The following MPDZ variants were observed in gnomAD, a reference collection of about 807,000 sequenced individuals.
The protein encoded by MPDZ is multiple PDZ domain crumbs cell polarity complex component, also known as multiple PDZ domain protein.
MPDZ carries 234 observed loss-of-function variants against 239.1 expected under a neutral mutation model. The ratio of observed to expected loss-of-function variants is 0.98; its 90% CI spans 0.88 to 1.09. MPDZ has a LOEUF of 1.09. MPDZ is among the 50% of genes least tolerant of loss of function. The probability of loss-of-function intolerance (pLI) is 0.00; values close to 1 mark genes in which losing one functional copy is unlikely to be tolerated. For synonymous variants in MPDZ, 1,048 were observed against 881.3 expected, an observed-to-expected ratio of 1.19 and a Z score of -3.35; for missense variants, 3,175 against 2,510.0, an observed-to-expected ratio of 1.26 and a Z score of -5.66.
At chr9:13,152,827 C>A (rs1434997777) in intron 24 of MPDZ, among the ~76,000 whole-genome samples, 1 of 152,074 alleles carries the variant, frequency 6.6e-6, no homozygotes, top group African/African-American at 2.4e-5. Flanking sequence ...TATGTAATAA[C>A]TGCAAATAGC....
chr9:13,219,635 G>A lies in MPDZ; in HGVS notation c.1010C>T (p.Ala337Val). 1.9e-6 allele frequency: 3 copies of A among 1,612,368 alleles called. No individual in the cohort carries two copies. The highest frequency in any genetic ancestry group is 4.5e-5 in the East Asian group (2 of 44,768). Residue 337 changes from alanine (A) to valine (V), a missense_variant, in exon 8 of 47, where the codon GCC (alanine) becomes GTC (valine). Ala to Val is a moderately conservative substitution (Grantham distance 64, BLOSUM62 0). Transcript: ENST00000319217. Reference protein sequence around the residue: ...NRVKLMIARGAIEERTAPTAL... With the variant: ...NRVKLMIARGVIEERTAPTAL... Reference sequence around the variant, plus strand: ...AGTGGGTGCTGTACGTTCTTCTATGGCACCTCTTGCAATCATCAACTTAAC... The same window carrying A: ...AGTGGGTGCTGTACGTTCTTCTATGACACCTCTTGCAATCATCAACTTAAC...
chr9:13,138,036 C>T lies in MPDZ; in HGVS notation c.4121G>A (p.Ser1374Asn), dbSNP rs1947097940. ...LAGNKDRSRM[S>N]VFIVGIDPNG... Reference sequence around the variant, plus strand: ...TGGATCAATCCCCACTATGAAGACACTCATCCTGGATCGGTCTTTGTTCCC... The same window carrying T: ...TGGATCAATCCCCACTATGAAGACATTCATCCTGGATCGGTCTTTGTTCCC... The change falls in exon 29 of 47, where the codon AGT becomes AAT. Residue 1374 changes from serine (S) to asparagine (N), a missense_variant. Coordinates refer to ENST00000319217, the MANE Select transcript of MPDZ (RefSeq NM_001378778.1). 6.2e-7 allele frequency: 1 copy of T among 1,613,768 alleles called. No individual in the cohort carries two copies. Among genetic ancestry groups the T allele is most frequent in the African/African-American group, 1.3e-5 (1 of 74,926 alleles).
At chr9:13,191,764 G>A (rs1310080764) in intron 15 of MPDZ, among the ~76,000 whole-genome samples, 2 of 152,212 alleles carry the variant, frequency 1.3e-5, no homozygotes, top group Non-Finnish European at 2.9e-5. Flanking sequence ...AAATGGAGAC[G>A]AATATGAGCA....
intron 38 of MPDZ, chr9:13,120,677 G>A (rs557308425): frequency 6.6e-6 from 1 of 152,194 alleles, no homozygotes; most frequent in African/African-American, 2.4e-5. Context: ...TGGTGTAAAT[G>A]TCCTTTTATT....
chr9:13,195,183 A>G (rs1195978213), intron 13 of MPDZ, among the ~76,000 whole-genome samples: 1 of 151,866 alleles, frequency 6.6e-6, no homozygotes, highest in Non-Finnish European at 1.5e-5. Context: ...AGCTACTCGG[A>G]AGGCTGAGGC....
intron 21 of MPDZ, among the ~76,000 whole-genome samples, chr9:13,170,617 C>T (rs1003165624): frequency 3.3e-5 from 5 of 152,176 alleles, no homozygotes; most frequent in Non-Finnish European, 7.3e-5. Flanking sequence ...TAAAATTTAA[C>T]TCAGTGGATC....
chr9:13,166,421 G>A (rs1459005176), intron 22 of MPDZ, among the ~76,000 whole-genome samples: 3 of 152,030 alleles, frequency 2.0e-5, no homozygotes, highest in Non-Finnish European at 4.4e-5. Context: ...AAAGCATTAT[G>A]TAAGGATGAT....
Position 13,175,776 on chromosome 9 carries a change from T to C in MPDZ, c.3031A>G (p.Ile1011Val), listed in dbSNP as rs371034444. Residue 1011 changes from isoleucine to valine, a missense_variant, in exon 21 of 47, where the codon ATA becomes GTA. Transcript: ENST00000319217. Reference protein sequence around the residue: ...SKESFERTINIAKGNSSLGMT... With the variant: ...SKESFERTINVAKGNSSLGMT... ...CCTAGGCTAGAATTGCCTTTTGCTA[T>C]ATTAATAGTCCTTTCAAAAGATTCT... 6.4e-7 allele frequency: 1 copy of C among 1,571,122 alleles called. No individual in the cohort carries two copies. Among genetic ancestry groups the C allele is most frequent in the Non-Finnish European group, 8.6e-7 (1 of 1,156,534 alleles).
intron 1 of MPDZ, among the ~76,000 whole-genome samples, chr9:13,271,441 G>C (rs769984975): frequency 6.6e-5 from 10 of 152,086 alleles, no homozygotes; most frequent in Non-Finnish European, 1.5e-4. Context: ...TGTAAAAGTA[G>C]AACACAAAAT....
At chr9:13,214,187 T>C (rs753025484) in intron 10 of MPDZ, among the ~76,000 whole-genome samples, 47 of 152,112 alleles carry the variant, frequency 3.1e-4, no homozygotes, top group Non-Finnish European at 5.4e-4. Context: ...CATCAATTGA[T>C]GAATGGGTAA....
At position 13,253,735 on chromosome 9, in the gene MPDZ, T is replaced by G. The variant is rs548815698; in HGVS notation, c.-57-3363A>C. On this transcript the variant is annotated intron_variant, in intron 1 of 46. Coordinates refer to ENST00000319217, the MANE Select transcript of MPDZ (RefSeq NM_001378778.1). ...TTTCTGGGCAATTCATGCTAAGCAGTGACAATAATGAATCAGAGAGGCAGA... is the reference window on the plus strand; with the variant it reads ...TTTCTGGGCAATTCATGCTAAGCAGGGACAATAATGAATCAGAGAGGCAGA... Among the ~76,000 whole-genome samples the G allele has an allele frequency of 7.9e-5, 12 of 152,240 alleles. 1 individual carries two copies. In the South Asian group the frequency reaches 2.5e-3, roughly 32 times the overall value.
At chr9:13,162,168 G>A (rs1014447075) in intron 23 of MPDZ, among the ~76,000 whole-genome samples, 1 of 152,050 alleles carries the variant, frequency 6.6e-6, no homozygotes, top group Admixed American at 6.6e-5. Context: ...GGAGGCTGAG[G>A]TGGGAGGATT....
At chr9:13,212,660 T>C (rs2135953211) in intron 10 of MPDZ, among the ~76,000 whole-genome samples, 1 of 151,462 alleles carries the variant, frequency 6.6e-6, no homozygotes, top group African/African-American at 2.4e-5. Context: ...GCAAATTGCC[T>C]ATGTGCTATC....
At chr9:13,165,935 A>AAC (rs530358795) in intron 22 of MPDZ, among the ~76,000 whole-genome samples, 3 of 152,026 alleles carry the variant, frequency 2.0e-5, no homozygotes, top group Non-Finnish European at 2.9e-5. Flanking sequence ...TGCATGCATG[A>AAC]ACACACACAC....
At chr9:13,168,693 A>G in intron 21 of MPDZ, 129 bp from the exon 22 acceptor site, 1 of 737,536 alleles carries the variant, frequency 1.4e-6, no homozygotes, top group South Asian at 2.3e-5. Flanking sequence ...TAAAAAGCAT[A>G]GCAAAAACAG....
Position 13,123,072 on chromosome 9 carries a change from C to A in MPDZ, c.4953+81G>T, listed in dbSNP as rs1046405632. 2.1e-6 allele frequency: 3 copies of A among 1,407,458 alleles called. No individual in the cohort carries two copies. The African/African-American group carries it at 4.3e-5, about 20-fold the overall frequency. 87.2% of individuals were successfully genotyped at this position (1,407,458 alleles called of 1,614,324 possible). On this transcript the variant is annotated intron_variant, in intron 36 of 46. Coordinates refer to ENST00000319217, the MANE Select transcript of MPDZ (RefSeq NM_001378778.1). Reference sequence around the variant, plus strand: ...GGCCTTCACATTTCCTTTACTAGAACTGATAGAAATCTCCCCATAATCGTC... The same window carrying A: ...GGCCTTCACATTTCCTTTACTAGAAATGATAGAAATCTCCCCATAATCGTC...
rs1944443081 is a variant in MPDZ at position 13,122,134 on chromosome 9, C to T, written c.4990G>A (p.Ala1664Thr). 3.7e-6 allele frequency: 6 copies of T among 1,614,004 alleles called. No homozygotes were observed. Among genetic ancestry groups the T allele is most frequent in the Middle Eastern group, 1.6e-4 (1 of 6,062 alleles). ...CAGAGTCTTCCATCTTTACATGCTG[C>T]TCCTTCTTCATAAACTTCATGGATA... ...IIIHEVYEEGAACKDGRLWAG... is the reference protein window; with the variant it reads ...IIIHEVYEEGTACKDGRLWAG... The change falls in exon 37 of 47, where the codon GCA (alanine) becomes ACA (threonine). Residue 1664 changes from alanine (A) to threonine (T), a missense_variant. Physicochemically the swap from Ala to Thr is moderately conservative, Grantham distance 58 (BLOSUM62 0). Transcript: ENST00000319217.
At chr9:13,171,363 G>T (rs1384574527) in intron 21 of MPDZ, among the ~76,000 whole-genome samples, 1 of 152,064 alleles carries the variant, frequency 6.6e-6, no homozygotes, top group Non-Finnish European at 1.5e-5. Flanking sequence ...GTGCCCTTGG[G>T]TAACTCAAGT....
chr9:13,186,747 A>G (rs1587629124), intron 17 of MPDZ, among the ~76,000 whole-genome samples: 1 of 152,164 alleles, frequency 6.6e-6, no homozygotes, highest in African/African-American at 2.4e-5. Context: ...TGGTCAAACA[A>G]TGACTTCCTA....
Sources: allele counts gnomAD v4.1 joint callset (sites outside exome capture counted in the v4.1 genomes callset), GRCh38; gene constraint gnomAD v4.1.1; transcripts MANE v1.5; gene names NCBI Gene and HGNC (gene_info 2026-07-23, HGNC 2026-07-21).